Variants in SP100 observed in about 807,000 individuals in gnomAD.
The protein encoded by SP100 is nuclear autoantigen Sp-100.
In SP100, 84 loss-of-function variants were observed where a neutral mutation model predicts 130.0. The observed-to-expected ratio is 0.65, with a 90% CI of 0.54 to 0.77. SP100 has a LOEUF of 0.77. Ranked by LOEUF, SP100 falls within the 30% of genes least tolerant of loss-of-function variation. SP100 has a pLI of 0.00. For synonymous variants in SP100, 331 were observed against 351.7 expected, an observed-to-expected ratio of 0.94 and a Z score of 0.66; for missense variants, 978 against 1,052.2, an observed-to-expected ratio of 0.93 and a Z score of 0.97.
chr2:230,534,270 G>T (rs1052069198), intron 24 of SP100, among the ~76,000 whole-genome samples: 1 of 152,178 alleles, frequency 6.6e-6, no homozygotes, highest in Non-Finnish European at 1.5e-5. Flanking sequence ...GCCGGGCGTG[G>T]TGGTGGGCAC....
intron 21 of SP100, among the ~76,000 whole-genome samples, chr2:230,504,504 TG>T (rs1254298019): frequency 3.3e-5 from 5 of 152,134 alleles, no homozygotes; most frequent in African/African-American, 1.2e-4. Flanking sequence ...AAAATGCACA[TG>T]GGGTGAAATT....
intron 2 of SP100, among the ~76,000 whole-genome samples, chr2:230,426,563 T>A (rs1343865690): frequency 1.3e-5 from 2 of 152,204 alleles, no homozygotes; most frequent in African/African-American, 4.8e-5. Context: ...ATTCTTCAAA[T>A]TTCCTCCTGT....
In SP100 at chr2:230,416,232, GGCTGGGCC is replaced by G; in HGVS notation, c.-63_-56del. ...GGCCTGGGCAGCCACACTGCACGCA[GGCTGGGCC>G]GACTGAGGGGCTCAGAGGCCAGGCT... On this transcript the variant is annotated 5_prime_UTR_variant, in exon 1 of 29. Transcript: ENST00000340126. 1 of 1,413,978 alleles carries G rather than the reference GGCTGGGCC, an allele frequency of 7.1e-7. No homozygotes were observed. The highest frequency in any genetic ancestry group is 1.0e-6 in the Non-Finnish European group (1 of 1,004,922). 87.6% of individuals were successfully genotyped at this position (1,413,978 alleles called of 1,614,324 possible).
intron 22 of SP100, 197 bp downstream of exon 22, chr2:230,506,642 C>T (rs1010991413): frequency 5.9e-6 from 3 of 506,730 alleles, no homozygotes; most frequent in Non-Finnish European, 1.0e-5. Flanking sequence ...CCTCTAAGTA[C>T]TTTATTTCTT....
chr2:230,514,414 G>T lies in SP100; in HGVS notation c.2094+3248G>T, dbSNP rs912256629. On this transcript the variant is annotated intron_variant, in intron 24 of 28. Coordinates refer to ENST00000340126, the MANE Select transcript of SP100 (RefSeq NM_001080391.2). The stretch of plus-strand genomic sequence containing the variant: ...CAACTAAGAAAGAAAATTAAATCCA[G>T]GTTCTTCTTTAGAGACTTATTATAG... Among the ~76,000 whole-genome samples, 9 of 152,076 alleles carry T rather than the reference G, an allele frequency of 5.9e-5. No individual in the cohort carries two copies. In the South Asian group the frequency reaches 1.4e-3, roughly 24 times the overall value.
chr2:230,480,167 C>T (rs1002196735), intron 17 of SP100, among the ~76,000 whole-genome samples: 9 of 152,206 alleles, frequency 5.9e-5, no homozygotes, highest in East Asian at 5.8e-4. Context: ...ATAAGCTCTA[C>T]GCCAGCAAGG....
At chr2:230,539,238 C>T (rs1488995487) in intron 24 of SP100, 29 bp from the exon 25 acceptor site, 3 of 1,420,350 alleles carry the variant, frequency 2.1e-6, no homozygotes, top group African/African-American at 2.8e-5. Flanking sequence ...TCTCACTGAT[C>T]CCGGTGATGT....
At chr2:230,517,741 G>T (rs1690989937) in intron 24 of SP100, among the ~76,000 whole-genome samples, 1 of 149,504 alleles carries the variant, frequency 6.7e-6, no homozygotes, top group Non-Finnish European at 1.5e-5. Context: ...CTCTAGCCTG[G>T]GCAACAGAGC....
At chr2:230,494,497 G>T (rs1183058285) in intron 18 of SP100, 37 bp downstream of exon 18, 9 of 1,509,850 alleles carry the variant, frequency 6.0e-6, no homozygotes, top group Middle Eastern at 1.7e-4. Flanking sequence ...CTTTGAACTC[G>T]CTGTGGTCCT....
At chr2:230,441,602 G>A (rs1013277379) in intron 2 of SP100, among the ~76,000 whole-genome samples, 11 of 152,216 alleles carry the variant, frequency 7.2e-5, no homozygotes, top group African/African-American at 2.4e-4. Context: ...TGAATGATAA[G>A]CAAAAGAAGG....
In SP100 at chr2:230,450,235, C is replaced by G. The variant is rs760934965; in HGVS notation, c.800C>G (p.Pro267Arg). ...NGDAGREMPC[P>R]LPCDEESPEA... Reference sequence around the variant, plus strand: ...GATGCTGGAAGGGAGATGCCCTGCCCGTTGCCCTGTGATGAAGAAAGTAAT... The same window carrying G: ...GATGCTGGAAGGGAGATGCCCTGCCGGTTGCCCTGTGATGAAGAAAGTAAT... The change falls in exon 8 of 29, where the codon CCG becomes CGG. Residue 267 changes from proline (P) to arginine (R), a missense_variant. Physicochemically the swap from Pro to Arg is moderately radical, Grantham distance 103 (BLOSUM62 -2). Transcript: ENST00000340126. 6.2e-6 allele frequency: 10 copies of G among 1,612,930 alleles called. No individual in the cohort carries two copies. In the Admixed American group the frequency reaches 8.3e-5, roughly 13 times the overall value.
intron 11 of SP100, among the ~76,000 whole-genome samples, chr2:230,464,582 A>T (rs1376815975): frequency 6.6e-6 from 1 of 151,892 alleles, no homozygotes; most frequent in East Asian, 1.9e-4. Flanking sequence ...TTCAAAGAAT[A>T]CTTTGTGCTG....
At chr2:230,525,050 G>A (rs528288066) in intron 24 of SP100, among the ~76,000 whole-genome samples, 2 of 152,174 alleles carry the variant, frequency 1.3e-5, no homozygotes, top group South Asian at 4.2e-4. Context: ...AGAGAGTTAT[G>A]GATATCAAGA....
Position 230,541,925 on chromosome 2 carries a change from A to G in SP100, c.2437A>G (p.Met813Val). ...REGSQGPQKP[M>V]WLNKVKTSLN... ...GGGGTCTCAGGGCCCACAGAAGCCC[A>G]TGTGGTTAAACAAAGTCAAGACAAG... is the stretch of plus-strand genomic sequence containing the variant. Residue 813 changes from methionine to valine, a missense_variant, in exon 28 of 29, where the codon ATG becomes GTG. Coordinates refer to ENST00000340126, the MANE Select transcript of SP100 (RefSeq NM_001080391.2). The G allele has an allele frequency of 1.9e-6, 3 of 1,614,114 alleles. No homozygotes were observed. The highest frequency in any genetic ancestry group is 2.5e-6 in the Non-Finnish European group (3 of 1,179,960).
chr2:230,494,760 GA>G lies in SP100; in HGVS notation c.1645+309del, dbSNP rs200618509. ...ACATTGTCTCCCAACCAGTGGGAAT[GA>G]AAAAAAAATTGACAAAAGAACCAGC... On this transcript the variant is annotated intron_variant, in intron 18 of 28. Transcript: ENST00000340126. 1.4e-4 allele frequency among the ~76,000 whole-genome samples: 21 copies of G among 151,090 alleles called. 1 individual carries two copies. The highest frequency in any genetic ancestry group is 4.1e-4 in the African/African-American group (17 of 41,190).
chr2:230,449,326 G>C (rs1415555000), intron 6 of SP100, 176 bp downstream of exon 6: 2 of 801,380 alleles, frequency 2.5e-6, no homozygotes, highest in Non-Finnish European at 2.2e-6. Flanking sequence ...TGCCTAGGAG[G>C]GTTTCTTCCT....
At chr2:230,453,788 G>C (rs1951460001) in intron 8 of SP100, among the ~76,000 whole-genome samples, 1 of 152,098 alleles carries the variant, frequency 6.6e-6, no homozygotes, top group Non-Finnish European at 1.5e-5. Flanking sequence ...TCTAGCTTTG[G>C]TATCAGGGTA....
chr2:230,503,161 A>AT, intron 20 of SP100, 51 bp downstream of exon 20: 6 of 1,351,550 alleles, frequency 4.4e-6, no homozygotes, highest in Non-Finnish European at 6.3e-6. Flanking sequence ...TTAATATTTA[A>AT]TATTCTGTAC....
chr2:230,497,379 G>A (rs1485286899), intron 18 of SP100, among the ~76,000 whole-genome samples: 1 of 148,030 alleles, frequency 6.8e-6, no homozygotes, highest in Non-Finnish European at 1.5e-5. Context: ...TATAAAGAAA[G>A]AAAGGAAAGA....
Sources: gnomAD v4.1 joint callset for allele counts (sites outside exome capture counted in the v4.1 genomes callset) on GRCh38, gnomAD v4.1.1 for gene constraint, MANE v1.5 for transcripts, NCBI Gene and HGNC (gene_info 2026-07-23, HGNC 2026-07-21) for gene names.